Variants in ARID2 observed in about 807,000 individuals in gnomAD.
ARID2 encodes the protein AT-rich interaction domain 2.
A neutral mutation model predicts 184.6 loss-of-function variants in ARID2; 32 were observed. The observed-to-expected ratio is 0.17, with a 90% CI of 0.13 to 0.23. The LOEUF is 0.23. Among genes scored for constraint, ARID2 ranks in the 10% least tolerant of loss-of-function variants. The probability of loss-of-function intolerance (pLI) is 1.00; values close to 1 mark genes in which losing one functional copy is unlikely to be tolerated. For synonymous variants in ARID2, 836 were observed against 772.6 expected (o/e 1.08, Z -1.36); for missense variants, 1,696 against 2,197.6 (o/e 0.77, Z 4.56).
intron 3 of ARID2, among the ~76,000 whole-genome samples, chr12:45,763,204 C>T (rs1319814266): frequency 2.0e-5 from 3 of 152,200 alleles, no homozygotes; most frequent in Non-Finnish European, 4.4e-5. Flanking sequence ...GGTGCGGTGG[C>T]TCACGCCTGT....
At chr12:45,825,011 T>G (rs771712406) in intron 6 of ARID2, among the ~76,000 whole-genome samples, 1 of 151,944 alleles carries the variant, frequency 6.6e-6, no homozygotes, top group African/African-American at 2.4e-5. Flanking sequence ...AAATATTTCA[T>G]GTTCTCACTC....
intron 4 of ARID2, among the ~76,000 whole-genome samples, chr12:45,811,947 A>G (rs1565605414): frequency 6.6e-6 from 1 of 152,088 alleles, no homozygotes; most frequent in Non-Finnish European, 1.5e-5. Context: ...ATTCTCAGAA[A>G]TGTTTCTGAT....
At position 45,775,410 on chromosome 12, in the gene ARID2, G is replaced by C. The variant is rs1941957753; in HGVS notation, c.285-36008G>C. 2.0e-5 allele frequency among the ~76,000 whole-genome samples: 3 copies of C among 152,142 alleles called. No individual in the cohort carries two copies. In the South Asian group the frequency reaches 6.2e-4, roughly 32 times the overall value. On this transcript the variant is annotated intron_variant, in intron 3 of 20. Transcript: ENST00000334344. Reference sequence around the variant, plus strand: ...TTTATGCCCTTGGGTTTTGGTTAGGGCATCCTTATCACATCCAATAAGACT... The same window carrying C: ...TTTATGCCCTTGGGTTTTGGTTAGGCCATCCTTATCACATCCAATAAGACT...
chr12:45,827,287 A>G (rs1037342135), intron 6 of ARID2, among the ~76,000 whole-genome samples: 4 of 152,064 alleles, frequency 2.6e-5, no homozygotes, highest in Non-Finnish European at 4.4e-5. Context: ...AATATTGTAT[A>G]ATTAGTTAAA....
chr12:45,876,058 C>G lies in ARID2; in HGVS notation c.4922+15109C>G, dbSNP rs533451111. On this transcript the variant is annotated intron_variant, in intron 16 of 20. Coordinates refer to ENST00000334344, the MANE Select transcript of ARID2 (RefSeq NM_152641.4). ...TTAGCCTTTCTCAGCTTTGCCATAC[C>G]TTTCTCACTAAACTTAATCATTTCT... Among the ~76,000 whole-genome samples the G allele has an allele frequency of 9.8e-5, 15 of 152,328 alleles. No individual in the cohort carries two copies. The East Asian group carries it at 2.9e-3, about 29-fold the overall frequency.
At chr12:45,883,152 A>G (rs1478537888) in intron 16 of ARID2, among the ~76,000 whole-genome samples, 3 of 152,146 alleles carry the variant, frequency 2.0e-5, no homozygotes, top group Non-Finnish European at 2.9e-5. Context: ...ATTTTTGGTA[A>G]CATCAGTTTG....
rs1328038865 is a variant in ARID2, at chr12:45,729,734, C to T, written c.-103C>T. 1 of 1,211,760 alleles carries T rather than the reference C, an allele frequency of 8.3e-7. No homozygotes were observed. Among genetic ancestry groups the T allele is most frequent in the East Asian group, 2.8e-5 (1 of 35,418 alleles). The allele number at this position is 1,211,760 out of a possible 1,614,324, so 75.1% of individuals were successfully genotyped here. A position where few individuals can be genotyped will look rare whatever the true frequency, so the allele number is the denominator to read the frequency against. On this transcript the variant is annotated 5_prime_UTR_variant, in exon 1 of 21. Transcript: ENST00000334344. ...GGCCCATGACTGAGCCCCGCCGCCG[C>T]CGGCCGAGGAATGGGCTCCGGGCTC...
chr12:45,807,273 T>G (rs530231724), intron 3 of ARID2, among the ~76,000 whole-genome samples: 2 of 152,336 alleles, frequency 1.3e-5, no homozygotes, highest in Non-Finnish European at 2.9e-5. Context: ...CATCTTTTTT[T>G]GTAACATTTC....
chr12:45,826,795 A>T (rs1291632579), intron 6 of ARID2, among the ~76,000 whole-genome samples: 1 of 152,116 alleles, frequency 6.6e-6, no homozygotes, highest in African/African-American at 2.4e-5. Flanking sequence ...ACCATTATTA[A>T]TCACACCCAT....
chr12:45,767,393 A>G (rs910727791), intron 3 of ARID2, among the ~76,000 whole-genome samples: 15 of 151,966 alleles, frequency 9.9e-5, no homozygotes, highest in African/African-American at 3.6e-4. Context: ...TTTTTTTTCA[A>G]TTTTTTTTCT....
chr12:45,907,604 G>A lies in ARID2; in HGVS notation c.*2526G>A. On this transcript the variant is annotated 3_prime_UTR_variant, in exon 21 of 21. Coordinates refer to ENST00000334344, the MANE Select transcript of ARID2 (RefSeq NM_152641.4). ...AACTATATAATAATATGGACTTGCT[G>A]TGTAATGGAATTAAAGTGCTTTTGC... 4.3e-6 allele frequency: 1 copy of A among 233,106 alleles called. No individual in the cohort carries two copies. The highest frequency in any genetic ancestry group is 5.6e-5 in the Admixed American group (1 of 17,764). 14.4% of individuals were successfully genotyped at this position (233,106 alleles called of 1,614,324 possible).
intron 12 of ARID2, among the ~76,000 whole-genome samples, 181 bp from the exon 13 acceptor site, chr12:45,848,655 A>G (rs1004757901): frequency 6.6e-6 from 1 of 152,076 alleles, no homozygotes; most frequent in Non-Finnish European, 1.5e-5. Context: ...TAAGCATGTT[A>G]ATCTATTGAT....
In ARID2 at chr12:45,784,190, G is replaced by T. The variant is rs7297123; in HGVS notation, c.285-27228G>T. On this transcript the variant is annotated intron_variant, in intron 3 of 20. Coordinates refer to ENST00000334344, the MANE Select transcript of ARID2 (RefSeq NM_152641.4). The stretch of plus-strand genomic sequence containing the variant: ...TTTTATTTTTATTTTTATTTATTTA[G>T]TTATTTATTTTTAGAGATGAGGGTC... Among the ~76,000 whole-genome samples, 831 of 151,884 alleles carry T rather than the reference G, an allele frequency of 5.5e-3. 7 individuals are homozygous for T. Among genetic ancestry groups the T allele is most frequent in the African/African-American group, 0.019 (792 of 41,420 alleles).
chr12:45,788,663 G>C (rs1942239054), intron 3 of ARID2, among the ~76,000 whole-genome samples: 1 of 152,064 alleles, frequency 6.6e-6, no homozygotes, highest in African/African-American at 2.4e-5. Flanking sequence ...AATTTCTTTT[G>C]TATTCCCCAA....
At chr12:45,849,290 C>G (rs1943496769) in intron 13 of ARID2, among the ~76,000 whole-genome samples, 1 of 152,002 alleles carries the variant, frequency 6.6e-6, no homozygotes. Flanking sequence ...TCTTCAAATA[C>G]AAAGACTTTT....
intron 3 of ARID2, among the ~76,000 whole-genome samples, chr12:45,775,345 A>G (rs1412632701): frequency 2.6e-5 from 4 of 152,186 alleles, no homozygotes; most frequent in African/African-American, 9.7e-5. Context: ...GTCTATTTCT[A>G]TGTGCAATAG....
chr12:45,783,665 A>C (rs1327708427), intron 3 of ARID2, among the ~76,000 whole-genome samples: 1 of 152,236 alleles, frequency 6.6e-6, no homozygotes, highest in Non-Finnish European at 1.5e-5. Flanking sequence ...CTCCTTTGAG[A>C]ATCTAATGCC....
At chr12:45,856,067 CTTTTTTTT>C (rs930473740) in intron 15 of ARID2, among the ~76,000 whole-genome samples, 4 of 74,630 alleles carry the variant, frequency 5.4e-5, no homozygotes, top group South Asian at 4.8e-4. Flanking sequence ...TTCTTCTTTT[CTTTTTTTT>C]TTTTTTTTTT....
intron 16 of ARID2, among the ~76,000 whole-genome samples, chr12:45,885,998 T>C (rs767206980): frequency 3.3e-5 from 5 of 152,090 alleles, no homozygotes; most frequent in African/African-American, 4.8e-5. Flanking sequence ...CAAAACACAA[T>C]CATGCCTTTC....
Sources: allele counts gnomAD v4.1 joint callset (sites outside exome capture counted in the v4.1 genomes callset), GRCh38; gene constraint gnomAD v4.1.1; transcripts MANE v1.5; gene names NCBI Gene and HGNC (gene_info 2026-07-23, HGNC 2026-07-21).